SLC5A4: variants seen among roughly 807,000 people sequenced by gnomAD.
The protein encoded by SLC5A4 is solute carrier family 5 member 4.
Under a neutral mutation model 70.3 loss-of-function variants are expected in SLC5A4, and 55 were observed. The observed-to-expected ratio is 0.78, with a 90% CI of 0.63 to 0.98. SLC5A4 has a LOEUF of 0.98. Among genes scored for constraint, SLC5A4 ranks in the 50% least tolerant of loss-of-function variants. The pLI is 0.00. For missense variants in SLC5A4, 735 were observed against 839.2 expected (o/e 0.88, Z 1.53); for synonymous variants, 268 against 305.7 (o/e 0.88, Z 1.29).
the SLC5A4 span, among the ~76,000 whole-genome samples, chr22:32,273,715 C>T: frequency 1.3e-5 from 2 of 152,260 alleles, no homozygotes; most frequent in Non-Finnish European, 2.9e-5. Flanking sequence ...ACCTTATTTC[C>T]TTTTTGATTC....
intron 7 of SLC5A4, 27 bp downstream of exon 7, chr22:32,237,217 G>C: frequency 3.9e-6 from 6 of 1,534,348 alleles, no homozygotes; most frequent in Non-Finnish European, 5.4e-6. Context: ...CCAGGCCCTG[G>C]GCACTGCACG....
chr22:32,257,522 A>G (rs907309674), upstream of SLC5A4, among the ~76,000 whole-genome samples: 1 of 151,822 alleles, frequency 6.6e-6, no homozygotes, highest in Non-Finnish European at 1.5e-5. Context: ...TGCCTGGCTA[A>G]CTTCATTTTT....
the SLC5A4 span, among the ~76,000 whole-genome samples, chr22:32,321,411 C>T: frequency 6.6e-6 from 1 of 152,230 alleles, no homozygotes; most frequent in East Asian, 1.9e-4. Context: ...GAGATCGCGC[C>T]ACTGCACTCC....
upstream of SLC5A4, chr22:32,255,415 C>T (rs745633432): frequency 5.5e-5 from 80 of 1,460,692 alleles, 1 homozygote; most frequent in Non-Finnish European, 7.1e-5. Context: ...GCAGGTGGGG[C>T]GAGATATCAG....
chr22:32,252,845 C>T (rs758983678), intron 2 of SLC5A4, among the ~76,000 whole-genome samples: 6 of 152,108 alleles, frequency 3.9e-5, no homozygotes, highest in African/African-American at 4.8e-5. Flanking sequence ...TTCTAAAGAC[C>T]CAGAGACCAA....
the SLC5A4 span, among the ~76,000 whole-genome samples, chr22:32,316,932 CTCTGTG>C: frequency 1.5e-5 from 1 of 67,404 alleles, no homozygotes; most frequent in African/African-American, 7.2e-5. Flanking sequence ...TAATTAACAA[CTCTGTG>C]TGTGTGTGTG....
intron 8 of SLC5A4, among the ~76,000 whole-genome samples, chr22:32,233,250 A>C (rs773416073): frequency 2.0e-5 from 3 of 152,212 alleles, no homozygotes; most frequent in Non-Finnish European, 4.4e-5. Flanking sequence ...GGATAAAGAA[A>C]ATATGCATAA....
chr22:32,328,718 CAGAA>C, the SLC5A4 span, among the ~76,000 whole-genome samples: 2 of 152,360 alleles, frequency 1.3e-5, no homozygotes, highest in East Asian at 1.9e-4. Context: ...TTCTGACTCA[CAGAA>C]AGAGTTAAAC....
intron 10 of SLC5A4, among the ~76,000 whole-genome samples, chr22:32,229,555 C>G (rs1374091328): frequency 1.3e-5 from 2 of 152,154 alleles, no homozygotes; most frequent in Non-Finnish European, 1.5e-5. Flanking sequence ...GACAAAACAT[C>G]ACATGTTCTC....
chr22:32,342,048 C>T, the SLC5A4 span, among the ~76,000 whole-genome samples: 3 of 152,214 alleles, frequency 2.0e-5, no homozygotes, highest in African/African-American at 7.2e-5. Flanking sequence ...CAATGTATCA[C>T]CAGTGGCTAG....
At chr22:32,335,882 C>T in the SLC5A4 span, among the ~76,000 whole-genome samples, 21,217 of 152,162 alleles carry the variant, frequency 0.14, 2,015 homozygotes, top group African/African-American at 0.27. Flanking sequence ...GAGCAGGGAG[C>T]GAGCATCCTC....
chr22:32,304,303 G>GTTT, the SLC5A4 span, among the ~76,000 whole-genome samples: 4 of 151,612 alleles, frequency 2.6e-5, no homozygotes, highest in African/African-American at 9.7e-5. Context: ...TTTTTGTGGG[G>GTTT]TTTTTTTCCG....
chr22:32,279,999 C>T, the SLC5A4 span, among the ~76,000 whole-genome samples: 1 of 152,162 alleles, frequency 6.6e-6, no homozygotes, highest in African/African-American at 2.4e-5. Flanking sequence ...TGCCTTACTC[C>T]AGTTTTTTGT....
At chr22:32,286,031 C>T in the SLC5A4 span, among the ~76,000 whole-genome samples, 348 of 151,806 alleles carry the variant, frequency 2.3e-3, 3 homozygotes, top group Non-Finnish European at 2.9e-3. Flanking sequence ...CCACCGCTCC[C>T]AGGCCTTATT....
rs201129927 is a variant in SLC5A4 at position 32,229,322 on chromosome 22, C to T, written c.1152G>A (p.Ser384=). The T allele has an allele frequency of 2.4e-5, 38 of 1,614,080 alleles. No homozygotes were observed. Among genetic ancestry groups the T allele is most frequent in the South Asian group, 1.6e-4 (15 of 91,062 alleles). The change falls in exon 11 of 15, where the codon TCG becomes TCA. Residue 384 remains serine (S), a synonymous_variant. Coordinates refer to ENST00000266086, the MANE Select transcript of SLC5A4 (RefSeq NM_014227.3). ...MPQGLRGLML[S]VMLASLMSSL... ...AGCTCATGAGAGAGGCCAGCATGAC[C>T]GAAAGCATCAGGCCTCGCAGTCCTG...
intron 14 of SLC5A4, 143 bp downstream of exon 14, chr22:32,220,777 G>T: frequency 1.5e-6 from 1 of 668,624 alleles, no homozygotes; most frequent in Non-Finnish European, 2.7e-6. Context: ...CTTGGTTTTT[G>T]GAAAGGTAAA....
chr22:32,291,863 A>T, the SLC5A4 span, among the ~76,000 whole-genome samples: 4 of 38,642 alleles, frequency 1.0e-4, no homozygotes, highest in African/African-American at 1.9e-4. Flanking sequence ...TATATAATTT[A>T]TTTTTCTTTT....
At chr22:32,258,445 A>C (rs1042791664), upstream of SLC5A4, among the ~76,000 whole-genome samples, 4 of 152,150 alleles carry the variant, frequency 2.6e-5, no homozygotes. Flanking sequence ...GACATTTCTC[A>C]AAAAAACACA....
At chr22:32,287,755 G>C in the SLC5A4 span, among the ~76,000 whole-genome samples, 5 of 150,866 alleles carry the variant, frequency 3.3e-5, no homozygotes, top group East Asian at 6.0e-4. Context: ...CAAAGTTGTT[G>C]GGATTACAGA....
Sources: allele counts gnomAD v4.1 joint callset (sites outside exome capture counted in the v4.1 genomes callset), GRCh38; gene constraint gnomAD v4.1.1; transcripts MANE v1.5; gene names NCBI Gene and HGNC (gene_info 2026-07-23, HGNC 2026-07-21).